HIVEP1: variants seen among roughly 807,000 people sequenced by gnomAD.
The protein encoded by HIVEP1 is zinc finger protein 40.
A neutral mutation model predicts 180.0 loss-of-function variants in HIVEP1; 36 were observed. The observed-to-expected ratio is 0.20, with a 90% CI of 0.15 to 0.26. HIVEP1 has a LOEUF of 0.26. Among genes scored for constraint, HIVEP1 ranks in the 10% least tolerant of loss-of-function variants. The probability of loss-of-function intolerance (pLI) is 1.00; values close to 1 mark genes in which losing one functional copy is unlikely to be tolerated. For synonymous variants in HIVEP1, 1,239 were observed against 1,239.0 expected, an observed-to-expected ratio of 1.00 and a Z score of 0.00; for missense variants, 3,143 against 3,268.7, an observed-to-expected ratio of 0.96 and a Z score of 0.94.
At chr6:12,098,641 C>T (rs72826083) in intron 3 of HIVEP1, among the ~76,000 whole-genome samples, 122 of 152,182 alleles carry the variant, frequency 8.0e-4, no homozygotes, top group Non-Finnish European at 1.4e-3. Context: ...CATGTTTCCT[C>T]AGAGAAGAGA....
At chr6:12,171,072 CA>C in the HIVEP1 span, among the ~76,000 whole-genome samples, 1 of 152,166 alleles carries the variant, frequency 6.6e-6, no homozygotes, top group African/African-American at 2.4e-5. Flanking sequence ...AACAAGAAAG[CA>C]AAAGCCTTGG....
chr6:12,029,092 C>T (rs571734105), intron 2 of HIVEP1, among the ~76,000 whole-genome samples: 21 of 152,274 alleles, frequency 1.4e-4, no homozygotes, highest in African/African-American at 5.1e-4. Context: ...TTGATTCATT[C>T]ACTCGTTTGA....
intron 2 of HIVEP1, among the ~76,000 whole-genome samples, chr6:12,040,084 AC>A (rs1371744740): frequency 6.6e-6 from 1 of 152,114 alleles, no homozygotes; most frequent in Non-Finnish European, 1.5e-5. Flanking sequence ...AGTTGTTGGA[AC>A]TGCTTATTAT....
chr6:12,072,640 A>G (rs992586443), intron 2 of HIVEP1, among the ~76,000 whole-genome samples: 1 of 151,158 alleles, frequency 6.6e-6, no homozygotes, highest in East Asian at 1.9e-4. Flanking sequence ...CAGTTTGTTC[A>G]TTTTTTTCAG....
Position 12,122,617 on chromosome 6 carries a change from C to T in HIVEP1, c.2822C>T (p.Ala941Val), listed in dbSNP as rs1490135854. Reference sequence around the variant, plus strand: ...ATGTCAGTGAGGAGCAAGGCACTGGCACAAGGCCCACATATAGAAAAAAAG... The same window carrying T: ...ATGTCAGTGAGGAGCAAGGCACTGGTACAAGGCCCACATATAGAAAAAAAG... ...EAMSVRSKAL[A>V]QGPHIEKKKS... is the part of the protein sequence containing the mutation. The change falls in exon 4 of 9, where the codon GCA (alanine) becomes GTA (valine). Residue 941 changes from alanine to valine, a missense_variant. This residue lies in a region of HIVEP1 where 204 missense variants were observed against 243.7 expected (regional missense o/e 0.84). Transcript: ENST00000379388. The T allele has an allele frequency of 2.5e-6, 4 of 1,613,964 alleles. No individual in the cohort carries two copies. Among genetic ancestry groups the T allele is most frequent in the Admixed American group, 1.7e-5 (1 of 59,986 alleles).
chr6:12,180,922 T>C, the HIVEP1 span, among the ~76,000 whole-genome samples: 7 of 152,250 alleles, frequency 4.6e-5, no homozygotes, highest in East Asian at 1.3e-3. Flanking sequence ...TTCATTAAGA[T>C]AGACGTAGCT....
rs868170061 is a variant in HIVEP1, at chr6:12,123,268, C to T, written c.3473C>T (p.Ser1158Phe). Residue 1158 changes from serine to phenylalanine, a missense_variant, in exon 4 of 9, where the codon TCC (serine) becomes TTC (phenylalanine). Physicochemically the swap from Ser to Phe is radical, Grantham distance 155 (BLOSUM62 -2). Coordinates refer to ENST00000379388, the MANE Select transcript of HIVEP1 (RefSeq NM_002114.4). Reference protein sequence around the residue: ...FDKPEPFERASPVSFQELNRT... With the variant: ...FDKPEPFERAFPVSFQELNRT... ...AAGCCTGAGCCTTTTGAAAGAGCCT[C>T]CCCAGTTTCTTTCCAGGAGCTGAAT... is the stretch of plus-strand genomic sequence containing the variant. 1.2e-6 allele frequency: 2 copies of T among 1,614,162 alleles called. No individual in the cohort carries two copies. Among genetic ancestry groups the T allele is most frequent in the Admixed American group, 1.7e-5 (1 of 60,026 alleles).
chr6:12,124,111 C>T lies in HIVEP1; in HGVS notation c.4316C>T (p.Pro1439Leu), dbSNP rs1359854735. Reference sequence around the variant, plus strand: ...CGGCAAATATCTTTAAACATAGCCCCAGATAGTCATCTGTCTCCTGTACAC... The same window carrying T: ...CGGCAAATATCTTTAAACATAGCCCTAGATAGTCATCTGTCTCCTGTACAC... ...LVRQISLNIA[P>L]DSHLSPVHPT... The change falls in exon 4 of 9, where the codon CCA becomes CTA. Residue 1439 changes from proline to leucine, a missense_variant. Physicochemically the swap from Pro to Leu is moderately conservative, Grantham distance 98. This residue lies in a region of HIVEP1 where 1,357 missense variants were observed against 1,260.5 expected (regional missense o/e 1.08). Transcript: ENST00000379388. The T allele has an allele frequency of 6.2e-7, 1 of 1,614,182 alleles. No homozygotes were observed. Among genetic ancestry groups the T allele is most frequent in the African/African-American group, 1.3e-5 (1 of 75,066 alleles).
At chr6:12,011,459 G>A (rs1249171448), upstream of HIVEP1, among the ~76,000 whole-genome samples, 2 of 150,936 alleles carry the variant, frequency 1.3e-5, no homozygotes, top group African/African-American at 2.4e-5. Flanking sequence ...GACCCCGCCA[G>A]GCCTTCCCGG....
intron 3 of HIVEP1, among the ~76,000 whole-genome samples, chr6:12,100,828 C>G (rs570690998): frequency 6.6e-6 from 1 of 152,138 alleles, no homozygotes; most frequent in African/African-American, 2.4e-5. Context: ...AAAAGAAATG[C>G]TCATTGGAGC....
chr6:12,134,604 C>T (rs1758606479), intron 6 of HIVEP1, among the ~76,000 whole-genome samples: 1 of 152,208 alleles, frequency 6.6e-6, no homozygotes, highest in South Asian at 2.1e-4. Context: ...TTTGCCTCTG[C>T]CCACTAAATT....
At chr6:12,155,188 T>C (rs1178120423) in intron 7 of HIVEP1, among the ~76,000 whole-genome samples, 3 of 152,210 alleles carry the variant, frequency 2.0e-5, no homozygotes, top group Non-Finnish European at 4.4e-5. Flanking sequence ...TTTCATCCAG[T>C]TGAAAATATT....
intron 2 of HIVEP1, among the ~76,000 whole-genome samples, chr6:12,042,084 T>C (rs1489003301): frequency 6.7e-6 from 1 of 149,570 alleles, no homozygotes; most frequent in African/African-American, 2.5e-5. Context: ...TTTTTTTTTT[T>C]TTTTTTGAGA....
chr6:12,135,875 AG>A lies in HIVEP1; in HGVS notation c.6472del (p.Asp2158IlefsTer69). ...LGVSVGLIDE[Q>X]DTEESDEKQR... ...GTCTCAGTAGGTTTAATAGATGAAC[AG>A]GATACAGAAGAATCAGGTAAGGCTT... On this transcript the variant is annotated frameshift_variant, in exon 7 of 9. Transcript: ENST00000379388. LOFTEE classifies it high-confidence loss of function. 1 of 1,601,498 alleles carries A rather than the reference AG, an allele frequency of 6.2e-7. No homozygotes were observed. Among genetic ancestry groups the A allele is most frequent in the Non-Finnish European group, 8.6e-7 (1 of 1,168,802 alleles).
intron 2 of HIVEP1, among the ~76,000 whole-genome samples, chr6:12,069,334 A>G (rs1771811490): frequency 6.6e-6 from 1 of 152,172 alleles, no homozygotes; most frequent in African/African-American, 2.4e-5. Context: ...CTTACCATGA[A>G]TAGAGCTTGA....
At chr6:12,179,292 G>A in the HIVEP1 span, among the ~76,000 whole-genome samples, 3 of 152,180 alleles carry the variant, frequency 2.0e-5, no homozygotes, top group African/African-American at 7.2e-5. Flanking sequence ...AATGGAGCAG[G>A]TGGCTTAGTT....
At chr6:12,185,592 G>C in the HIVEP1 span, among the ~76,000 whole-genome samples, 1 of 152,148 alleles carries the variant, frequency 6.6e-6, no homozygotes, top group Non-Finnish European at 1.5e-5. Flanking sequence ...TTAAAAGTAG[G>C]ACTGACAACC....
At chr6:12,104,239 A>G (rs1052162360) in intron 3 of HIVEP1, among the ~76,000 whole-genome samples, 1 of 151,770 alleles carries the variant, frequency 6.6e-6, no homozygotes, top group African/African-American at 2.4e-5. Context: ...TTTAGACTTT[A>G]TCTCCTTACA....
chr6:12,055,656 A>G (rs1770822015), intron 2 of HIVEP1, among the ~76,000 whole-genome samples: 1 of 152,166 alleles, frequency 6.6e-6, no homozygotes, highest in Non-Finnish European at 1.5e-5. Flanking sequence ...TTTTGGTTGG[A>G]TATTTGATTT....
Sources: gnomAD v4.1 joint callset for allele counts (sites outside exome capture counted in the v4.1 genomes callset) on GRCh38, gnomAD v4.1.1 for gene constraint, gnomAD v4.1.1 regional missense constraint, MANE v1.5 for transcripts, NCBI Gene and HGNC (gene_info 2026-07-23, HGNC 2026-07-21) for gene names.